The following HS2ST1 variants were observed in gnomAD, a reference collection of about 807,000 sequenced individuals.
HS2ST1 encodes the protein heparan sulfate 2-O-sulfotransferase 1.
HS2ST1 carries 18 observed loss-of-function variants against 42.9 expected under a neutral mutation model. The observed-to-expected ratio is 0.42, with a 90% CI of 0.29 to 0.62. The LOEUF (loss-of-function observed/expected upper bound fraction) is 0.62. Ranked by LOEUF, HS2ST1 falls within the 20% of genes least tolerant of loss-of-function variation. The pLI, the probability that HS2ST1 is intolerant of heterozygous loss-of-function variation, is 0.21. For synonymous variants in HS2ST1, 146 were observed against 152.9 expected (o/e 0.95, Z 0.33); for missense variants, 334 against 433.8 (o/e 0.77, Z 2.04).
chr1:87,010,095 A>AC (rs1649557602), intron 1 of HS2ST1, among the ~76,000 whole-genome samples: 2 of 152,080 alleles, frequency 1.3e-5, no homozygotes, highest in Non-Finnish European at 2.9e-5. Flanking sequence ...AGAAACTGGC[A>AC]CATAGCACTT....
At position 87,109,450 on chromosome 1, in the gene HS2ST1, A is replaced by G. The variant is rs184735013; in HGVS notation, c.*4754A>G. 8.6e-4 allele frequency: 131 copies of G among 152,266 alleles called. 1 individual carries two copies. The highest frequency in any genetic ancestry group is 3.1e-3 in the African/African-American group (129 of 41,586). 9.4% of individuals were successfully genotyped at this position (152,266 alleles called of 1,614,324 possible). A position where few individuals can be genotyped will look rare whatever the true frequency, so the allele number is the denominator to read the frequency against. ...CAAAATATATACTTAATTAGAAGAA[A>G]AAAATAGAGAAAGGGCTATTAGAAT... On this transcript the variant is annotated 3_prime_UTR_variant, in exon 7 of 7. Coordinates refer to ENST00000370550, the MANE Select transcript of HS2ST1 (RefSeq NM_012262.4).
At chr1:87,073,270 C>T in intron 2 of HS2ST1, 98 bp downstream of exon 2, 1 of 850,020 alleles carries the variant, frequency 1.2e-6, no homozygotes, top group Non-Finnish European at 1.9e-6. Flanking sequence ...GATGTGAGTG[C>T]TGATCTCAGT....
At chr1:87,062,133 C>T (rs188008730) in intron 1 of HS2ST1, among the ~76,000 whole-genome samples, 4 of 152,142 alleles carry the variant, frequency 2.6e-5, no homozygotes, top group African/African-American at 9.6e-5. Context: ...GTAAATTTCC[C>T]TCTCAGTCCT....
intron 3 of HS2ST1, among the ~76,000 whole-genome samples, chr1:87,086,887 G>T (rs948513165): frequency 2.7e-5 from 4 of 147,786 alleles, no homozygotes; most frequent in South Asian, 4.4e-4. Flanking sequence ...TTTTTAATTG[G>T]TGAATGATAC....
intron 1 of HS2ST1, among the ~76,000 whole-genome samples, chr1:86,933,145 T>C (rs1440921527): frequency 6.6e-6 from 1 of 152,210 alleles, no homozygotes; most frequent in Non-Finnish European, 1.5e-5. Flanking sequence ...CTTATTTTAA[T>C]CTACTCAGGT....
chr1:86,997,932 T>C (rs1649154135), intron 1 of HS2ST1, among the ~76,000 whole-genome samples: 2 of 152,362 alleles, frequency 1.3e-5, no homozygotes, highest in Non-Finnish European at 2.9e-5. Flanking sequence ...TGTGGTTGAC[T>C]GTGAATAATT....
chr1:86,983,183 A>C (rs2102222225), intron 1 of HS2ST1, among the ~76,000 whole-genome samples: 1 of 152,230 alleles, frequency 6.6e-6, no homozygotes, highest in South Asian at 2.1e-4. Flanking sequence ...GGAAGCAAAA[A>C]TGATTTCACT....
intron 3 of HS2ST1, among the ~76,000 whole-genome samples, chr1:87,086,928 A>ATTG (rs1651830725): frequency 6.6e-6 from 1 of 151,660 alleles, no homozygotes; most frequent in Non-Finnish European, 1.5e-5. Flanking sequence ...ATAAATTATT[A>ATTG]TAAATTTGAA....
At chr1:86,957,155 AT>A (rs1570445187) in intron 1 of HS2ST1, among the ~76,000 whole-genome samples, 1 of 152,228 alleles carries the variant, frequency 6.6e-6, no homozygotes, top group East Asian at 1.9e-4. Context: ...GTTTCAGGAC[AT>A]TTATAGTCTA....
intron 1 of HS2ST1, 90 bp downstream of exon 1, chr1:86,915,250 G>GGTCT: frequency 6.9e-7 from 1 of 1,442,068 alleles, no homozygotes; most frequent in South Asian, 1.4e-5. Context: ...TCTAACCTGG[G>GGTCT]GTCTGGCTCG....
At chr1:86,962,698 A>G (rs1451385680) in intron 1 of HS2ST1, among the ~76,000 whole-genome samples, 1 of 152,200 alleles carries the variant, frequency 6.6e-6, no homozygotes, top group African/African-American at 2.4e-5. Context: ...CAACAAAACA[A>G]AACTACAGCT....
rs569794269 is a variant in HS2ST1 at position 87,107,195 on chromosome 1, A to G, written c.*2499A>G. On this transcript the variant is annotated 3_prime_UTR_variant, in exon 7 of 7. Transcript: ENST00000370550. ...CTACTCTAGATGCCTAAAAGAGTTT[A>G]TATACTTCTAAAAGCTCCTAACTTA... is the stretch of plus-strand genomic sequence containing the variant. 2.6e-5 allele frequency: 4 copies of G among 152,068 alleles called. No individual in the cohort carries two copies. The highest frequency in any genetic ancestry group is 9.6e-5 in the African/African-American group (4 of 41,452). The allele number at this position is 152,068 out of a possible 1,614,324, so 9.4% of individuals were successfully genotyped here.
chr1:86,986,688 G>A (rs1648794730), intron 1 of HS2ST1, among the ~76,000 whole-genome samples: 1 of 152,108 alleles, frequency 6.6e-6, no homozygotes, highest in Non-Finnish European at 1.5e-5. Flanking sequence ...ATGGAGGAGT[G>A]GGAAGCATGA....
intron 1 of HS2ST1, among the ~76,000 whole-genome samples, chr1:87,041,381 T>A (rs975696241): frequency 6.6e-6 from 1 of 151,934 alleles, no homozygotes; most frequent in Non-Finnish European, 1.5e-5. Flanking sequence ...AATGAGATCC[T>A]GTCTCAAAAA....
chr1:87,053,982 G>A (rs1650896927), intron 1 of HS2ST1, among the ~76,000 whole-genome samples: 1 of 151,878 alleles, frequency 6.6e-6, no homozygotes, highest in Admixed American at 6.6e-5. Context: ...ATGCCTTTGT[G>A]TTGTGACTCT....
At chr1:87,054,950 G>T (rs1367192345) in intron 1 of HS2ST1, among the ~76,000 whole-genome samples, 4 of 152,070 alleles carry the variant, frequency 2.6e-5, no homozygotes, top group African/African-American at 9.7e-5. Flanking sequence ...TTAATACAGT[G>T]CCCCCTTTAT....
chr1:86,968,993 A>T (rs1046651692), intron 1 of HS2ST1, among the ~76,000 whole-genome samples: 4 of 152,222 alleles, frequency 2.6e-5, no homozygotes, highest in Admixed American at 1.3e-4. Context: ...AAATATTTTC[A>T]TGAAGTTATT....
At chr1:86,921,514 G>A (rs561956998) in intron 1 of HS2ST1, among the ~76,000 whole-genome samples, 23 of 152,200 alleles carry the variant, frequency 1.5e-4, no homozygotes, top group Non-Finnish European at 2.6e-4. Flanking sequence ...GTATTGGGGC[G>A]GGAGGTGGAG....
intron 2 of HS2ST1, among the ~76,000 whole-genome samples, chr1:87,080,019 C>T (rs1456700129): frequency 2.0e-5 from 3 of 151,834 alleles, no homozygotes; most frequent in African/African-American, 4.8e-5. Context: ...CTGTGCTGTC[C>T]GGCATGAGTG....
Sources: allele counts gnomAD v4.1 joint callset (sites outside exome capture counted in the v4.1 genomes callset), GRCh38; gene constraint gnomAD v4.1.1; transcripts MANE v1.5; gene names NCBI Gene and HGNC (gene_info 2026-07-23, HGNC 2026-07-21).